PAX5: variants seen among roughly 807,000 people sequenced by gnomAD.
PAX5 encodes the protein paired box 5.
A neutral mutation model predicts 43.7 loss-of-function variants in PAX5; 9 were observed. The observed-to-expected ratio is 0.21, with a 90% CI of 0.12 to 0.36. The LOEUF is 0.36. Among genes scored for constraint, PAX5 ranks in the 10% least tolerant of loss-of-function variants. PAX5 has a pLI of 1.00. For missense variants in PAX5, 383 were observed against 532.7 expected (o/e 0.72, Z 2.77); for synonymous variants, 228 against 214.3 (o/e 1.06, Z -0.56).
intron 6 of PAX5, among the ~76,000 whole-genome samples, chr9:36,935,002 T>C (rs891926729): frequency 7.9e-5 from 12 of 152,216 alleles, no homozygotes; most frequent in African/African-American, 2.9e-4. Context: ...GGTGCTTTTA[T>C]TCATCAGAGG....
At position 36,835,058 on chromosome 9, in the gene PAX5, G is replaced by C; in HGVS notation, c.*5502C>G. 1 of 233,324 alleles carries C rather than the reference G, an allele frequency of 4.3e-6. No homozygotes were observed. 14.5% of individuals were successfully genotyped at this position (233,324 alleles called of 1,614,324 possible). ...ACAGGCCAAGTACCCTACCTGAGACGACTCCTTTGAGGCTTTGCTGATTGT... is the reference window on the plus strand; with the variant it reads ...ACAGGCCAAGTACCCTACCTGAGACCACTCCTTTGAGGCTTTGCTGATTGT... On this transcript the variant is annotated 3_prime_UTR_variant, in exon 10 of 10. Transcript: ENST00000358127.
chr9:37,002,881 G>C (rs1054129936), intron 4 of PAX5, 105 bp from the exon 5 acceptor site: 1 of 1,371,252 alleles, frequency 7.3e-7, no homozygotes. Flanking sequence ...GCGAGCGCAG[G>C]GTGGGCAGGG....
At chr9:36,851,248 G>C (rs543993553) in intron 8 of PAX5, among the ~76,000 whole-genome samples, 2 of 152,322 alleles carry the variant, frequency 1.3e-5, no homozygotes, top group African/African-American at 4.8e-5. Flanking sequence ...GAAGAAGAAA[G>C]AGCCTCCTCT....
intron 6 of PAX5, among the ~76,000 whole-genome samples, chr9:36,934,325 C>T (rs1831376201): frequency 6.6e-6 from 1 of 152,146 alleles, no homozygotes; most frequent in Non-Finnish European, 1.5e-5. Context: ...TTTTTGAGTC[C>T]CCAGTGCTAG....
At chr9:36,881,797 C>T (rs1415117852) in intron 8 of PAX5, among the ~76,000 whole-genome samples, 1 of 152,072 alleles carries the variant, frequency 6.6e-6, no homozygotes, top group Admixed American at 6.5e-5. Flanking sequence ...AGACCCTCCC[C>T]TCGCCCCCGG....
chr9:36,849,691 C>A (rs1174995295), intron 8 of PAX5, among the ~76,000 whole-genome samples: 2 of 152,202 alleles, frequency 1.3e-5, no homozygotes, highest in African/African-American at 2.4e-5. Context: ...CCATTGCCCA[C>A]CACACCATCC....
At chr9:37,006,110 A>C (rs955184964) in intron 4 of PAX5, among the ~76,000 whole-genome samples, 9 of 152,198 alleles carry the variant, frequency 5.9e-5, no homozygotes, top group African/African-American at 2.2e-4. Context: ...ACACATTCAA[A>C]ACTACTTACT....
rs1190381538 is a variant in PAX5, at chr9:36,870,023, GATGGATGGATAA to G, written c.1012+11969_1012+11980del. On this transcript the variant is annotated intron_variant, in intron 8 of 9. Coordinates refer to ENST00000358127, the MANE Select transcript of PAX5 (RefSeq NM_016734.3). Reference sequence around the variant, plus strand: ...GGATGGATAAATGGATGGATGGATGGATGGATGGATAAATGGATGGATGGATGGATGGATAAA... The same window carrying G: ...GGATGGATAAATGGATGGATGGATGGATGGATGGATGGATGGATGGATAAA... Among the ~76,000 whole-genome samples the G allele has an allele frequency of 7.6e-4, 58 of 75,920 alleles. 4 individuals carry two copies. Among genetic ancestry groups the G allele is most frequent in the Middle Eastern group, 6.7e-3 (1 of 150 alleles). The allele number at this position is 75,920 out of a possible 152,430, so 49.8% of individuals were successfully genotyped here.
chr9:36,956,595 C>T (rs944356288), intron 6 of PAX5, among the ~76,000 whole-genome samples: 1 of 152,190 alleles, frequency 6.6e-6, no homozygotes, highest in Admixed American at 6.5e-5. Flanking sequence ...AAACATCCCC[C>T]TCCCTTACAA....
chr9:37,013,396 G>C (rs1015683595), intron 3 of PAX5, among the ~76,000 whole-genome samples: 3 of 152,098 alleles, frequency 2.0e-5, no homozygotes, highest in African/African-American at 7.2e-5. Flanking sequence ...ACTACCTAAG[G>C]TTATCTTGCG....
chr9:37,033,722 A>G (rs2132590161), intron 1 of PAX5, among the ~76,000 whole-genome samples: 1 of 152,330 alleles, frequency 6.6e-6, no homozygotes, highest in South Asian at 2.1e-4. Context: ...ATATAAACAC[A>G]CAGGCCCTAA....
intron 8 of PAX5, among the ~76,000 whole-genome samples, chr9:36,869,963 A>AATGGATGGATGGATGGATGGATGG (rs1258090884): frequency 3.0e-5 from 1 of 33,352 alleles, no homozygotes; most frequent in Non-Finnish European, 6.2e-5. Context: ...TGGATGGATA[A>AATGGATGGATGGATGGATGGATGG]ATGGATGGAT....
At chr9:36,993,898 C>G (rs923610853) in intron 5 of PAX5, among the ~76,000 whole-genome samples, 1 of 152,156 alleles carries the variant, frequency 6.6e-6, no homozygotes, top group Non-Finnish European at 1.5e-5. Flanking sequence ...AGGGCTCTCC[C>G]GAACACCAGT....
chr9:36,887,693 A>C (rs755961421), intron 7 of PAX5, among the ~76,000 whole-genome samples: 3 of 152,200 alleles, frequency 2.0e-5, no homozygotes, highest in Non-Finnish European at 4.4e-5. Flanking sequence ...AAATTCTTAG[A>C]AGGAAATATG....
chr9:36,996,282 GTCACT>G (rs1356512326), intron 5 of PAX5, among the ~76,000 whole-genome samples: 9 of 152,374 alleles, frequency 5.9e-5, no homozygotes, highest in Non-Finnish European at 8.8e-5. Context: ...CTTGGCAGCT[GTCACT>G]TCACTTCATT....
chr9:36,879,525 C>A (rs1291457632), intron 8 of PAX5, among the ~76,000 whole-genome samples: 1 of 152,134 alleles, frequency 6.6e-6, no homozygotes, highest in Non-Finnish European at 1.5e-5. Flanking sequence ...CCCAGGCAGC[C>A]CAGGGCACAG....
intron 6 of PAX5, 114 bp from the exon 7 acceptor site, chr9:36,923,598 A>T: frequency 8.2e-7 from 1 of 1,213,786 alleles, no homozygotes; most frequent in Non-Finnish European, 1.1e-6. Context: ...GCCTGTGCCA[A>T]GGCCCACAAG....
intron 6 of PAX5, among the ~76,000 whole-genome samples, chr9:36,938,009 G>C (rs748075850): frequency 1.5e-4 from 23 of 152,298 alleles, no homozygotes; most frequent in Non-Finnish European, 3.4e-4. Flanking sequence ...CTGGCTTCTA[G>C]AAAGATCAGA....
chr9:37,001,740 T>G (rs1463118955), intron 5 of PAX5, among the ~76,000 whole-genome samples: 1 of 150,300 alleles, frequency 6.7e-6, no homozygotes, highest in East Asian at 2.0e-4. Context: ...AAGGGAATTG[T>G]GCTGAGGAAC....
Sources: gnomAD v4.1 joint callset for allele counts (sites outside exome capture counted in the v4.1 genomes callset) on GRCh38, gnomAD v4.1.1 for gene constraint, MANE v1.5 for transcripts, NCBI Gene and HGNC (gene_info 2026-07-23, HGNC 2026-07-21) for gene names.